Variants in CDH11 observed in about 807,000 individuals in gnomAD.
CDH11 encodes the protein cadherin 11.
Under a neutral mutation model 67.8 loss-of-function variants are expected in CDH11, and 11 were observed. The observed-to-expected ratio is 0.16, with a 90% CI of 0.10 to 0.27. The LOEUF (loss-of-function observed/expected upper bound fraction) is 0.27, where lower values mean the gene tolerates loss of function less well. CDH11 is among the 10% of genes least tolerant of loss of function. The pLI is 1.00. For synonymous variants in CDH11, 419 were observed against 400.0 expected (o/e 1.05, Z -0.57); for missense variants, 847 against 1,031.2 (o/e 0.82, Z 2.45).
At position 64,998,789 on chromosome 16, in the gene CDH11, G is replaced by A; in HGVS notation, c.296C>T (p.Thr99Ile). The change falls in exon 4 of 13, where the codon ACC becomes ATC. Residue 99 changes from threonine to isoleucine, a missense_variant. Coordinates refer to ENST00000268603, the MANE Select transcript of CDH11 (RefSeq NM_001797.4). ...TGATTTGTCATCAATCACAAAAATG[G>A]TTCCAGCTCCTTCCCCTGAGAGAAT... ...KYILSGEGAG[T>I]IFVIDDKSGN... The A allele has an allele frequency of 1.2e-6, 2 of 1,614,100 alleles. No individual in the cohort carries two copies. The highest frequency in any genetic ancestry group is 1.7e-6 in the Non-Finnish European group (2 of 1,179,990).
chr16:65,047,427 C>T (rs2073981734), intron 2 of CDH11, among the ~76,000 whole-genome samples: 2 of 151,868 alleles, frequency 1.3e-5, no homozygotes, highest in Admixed American at 6.6e-5. Flanking sequence ...TCTCAGCTCA[C>T]TGCAACCTCC....
chr16:64,981,471 AT>A (rs1179891630), intron 8 of CDH11: 1 of 151,986 alleles, frequency 6.6e-6, no homozygotes, highest in East Asian at 1.9e-4. Flanking sequence ...ATCACCTGAA[AT>A]TTATTTGGAC....
chr16:65,077,999 C>T (rs1319829427), intron 1 of CDH11, among the ~76,000 whole-genome samples: 1 of 152,214 alleles, frequency 6.6e-6, no homozygotes, highest in Admixed American at 6.5e-5. Context: ...TAGAGGGTAG[C>T]AATTAGGTTG....
rs1295216516 is a variant in CDH11, at chr16:64,992,863, T to G, written c.643+52A>C. The G allele has an allele frequency of 2.5e-6, 4 of 1,585,810 alleles. No individual in the cohort carries two copies. The East Asian group carries it at 9.0e-5, about 36-fold the overall frequency. On this transcript the variant is annotated intron_variant, in intron 5 of 12. Coordinates refer to ENST00000268603, the MANE Select transcript of CDH11 (RefSeq NM_001797.4). ...GTATTAAATAAGTTCTGGTCAGGCC[T>G]GGGACTTCTTATTCACCATGTGTCA...
At chr16:65,115,999 T>C (rs2075239480) in intron 1 of CDH11, among the ~76,000 whole-genome samples, 1 of 152,076 alleles carries the variant, frequency 6.6e-6, no homozygotes, top group African/African-American at 2.4e-5. Context: ...AAATTTTCAA[T>C]CAAGACAGAA....
intron 2 of CDH11, among the ~76,000 whole-genome samples, chr16:65,029,911 G>C (rs756812099): frequency 4.6e-5 from 7 of 152,110 alleles, no homozygotes; most frequent in Admixed American, 1.3e-4. Context: ...GAGTACCTTT[G>C]ATAAAATGAT....
intron 1 of CDH11, among the ~76,000 whole-genome samples, chr16:65,054,724 T>G (rs926058468): frequency 1.3e-5 from 2 of 152,198 alleles, no homozygotes; most frequent in African/African-American, 4.8e-5. Context: ...CCAGCTGGCA[T>G]AGCTTCCATA....
At chr16:65,078,527 T>G (rs2074555608) in intron 1 of CDH11, among the ~76,000 whole-genome samples, 1 of 152,188 alleles carries the variant, frequency 6.6e-6, no homozygotes, top group Admixed American at 6.5e-5. Flanking sequence ...AATACATCAT[T>G]GAATACAATC....
At chr16:65,026,240 A>G (rs1490527760) in intron 2 of CDH11, among the ~76,000 whole-genome samples, 1 of 152,180 alleles carries the variant, frequency 6.6e-6, no homozygotes, top group Non-Finnish European at 1.5e-5. Context: ...CATGCTTTGC[A>G]TACATTTTCA....
At chr16:65,088,173 G>A (rs2074733863) in intron 1 of CDH11, among the ~76,000 whole-genome samples, 2 of 152,166 alleles carry the variant, frequency 1.3e-5, no homozygotes, top group South Asian at 2.1e-4. Flanking sequence ...TGAAGACACA[G>A]AAGGTGCCGT....
At chr16:64,981,971 G>A (rs1323227948) in intron 8 of CDH11, 77 bp downstream of exon 8, 2 of 1,306,614 alleles carry the variant, frequency 1.5e-6, no homozygotes, top group Middle Eastern at 2.0e-4. Flanking sequence ...TGAAAAACGT[G>A]GTTCCTACAG....
At chr16:65,106,608 C>G (rs1307681804) in intron 1 of CDH11, among the ~76,000 whole-genome samples, 5 of 152,172 alleles carry the variant, frequency 3.3e-5, no homozygotes, top group African/African-American at 4.8e-5. Flanking sequence ...TGCTGCATAA[C>G]AGAGAATGGA....
At position 64,982,109 on chromosome 16, in the gene CDH11, C is replaced by G; in HGVS notation, c.1192G>C (p.Ala398Pro). Residue 398 changes from alanine (A) to proline (P), a missense_variant, in exon 8 of 13, where the codon GCT becomes CCT. Physicochemically the swap from Ala to Pro is conservative, Grantham distance 27. This residue lies in a region of CDH11 where 612 missense variants were observed against 678.7 expected (regional missense o/e 0.90). Coordinates refer to ENST00000268603, the MANE Select transcript of CDH11 (RefSeq NM_001797.4). ...YIHEVQENAA[A>P]GTVVGRVHAK... is the part of the protein sequence containing the mutation. Reference sequence around the variant, plus strand: ...TGCACTCTCCCAACCACGGTGCCAGCAGCTGCATTTTCTTGGACTTCGTGG... The same window carrying G: ...TGCACTCTCCCAACCACGGTGCCAGGAGCTGCATTTTCTTGGACTTCGTGG... 6.2e-7 allele frequency: 1 copy of G among 1,614,076 alleles called. No homozygotes were observed. Among genetic ancestry groups the G allele is most frequent in the Non-Finnish European group, 8.5e-7 (1 of 1,179,976 alleles).
At chr16:65,115,158 C>A (rs1271829898) in intron 1 of CDH11, among the ~76,000 whole-genome samples, 1 of 152,054 alleles carries the variant, frequency 6.6e-6, no homozygotes, top group East Asian at 1.9e-4. Flanking sequence ...GGGTAACTTA[C>A]CACAGCAACC....
rs1241896687 is a variant in CDH11, at chr16:64,998,809, G to A, written c.276C>T (p.Leu92=). 3 of 1,614,082 alleles carry A rather than the reference G, an allele frequency of 1.9e-6. No individual in the cohort carries two copies. The highest frequency in any genetic ancestry group is 2.5e-6 in the Non-Finnish European group (3 of 1,179,960). ...AAATGGTTCCAGCTCCTTCCCCTGA[G>A]AGAATGTATTTAATGTTCCCATCAC... ...DSGDGNIKYI[L]SGEGAGTIFV... Residue 92 remains leucine, a synonymous_variant, in exon 4 of 13, where the codon CTC becomes CTT. Transcript: ENST00000268603.
At chr16:65,071,900 C>T (rs1038556834) in intron 1 of CDH11, 2 of 152,220 alleles carry the variant, frequency 1.3e-5, no homozygotes, top group Admixed American at 1.3e-4. Flanking sequence ...CAGCCTCAAG[C>T]TTGTGTCCAC....
intron 2 of CDH11, among the ~76,000 whole-genome samples, chr16:65,035,096 G>C (rs2073725706): frequency 1.3e-5 from 2 of 152,224 alleles, no homozygotes; most frequent in East Asian, 1.9e-4. Flanking sequence ...ACGTTGCAAG[G>C]CTGCTGGGAA....
chr16:64,944,569 G>C lies in CDH11; in HGVS notation c.*3034C>G. On this transcript the variant is annotated 3_prime_UTR_variant, in exon 13 of 13. Coordinates refer to ENST00000268603, the MANE Select transcript of CDH11 (RefSeq NM_001797.4). ...TAAAGTTTCTCAAAAAGATGTGAAG[G>C]ATATGTCACAATGACCCAGGAGCAG... 8.6e-6 allele frequency: 2 copies of C among 232,562 alleles called. No homozygotes were observed. Among genetic ancestry groups the C allele is most frequent in the Non-Finnish European group, 1.7e-5 (2 of 117,702 alleles). 14.4% of individuals were successfully genotyped at this position (232,562 alleles called of 1,614,324 possible).
intron 11 of CDH11, among the ~76,000 whole-genome samples, chr16:64,958,508 C>A (rs1177441761): frequency 6.6e-6 from 1 of 152,112 alleles, no homozygotes; most frequent in Non-Finnish European, 1.5e-5. Flanking sequence ...TTATCCCAGA[C>A]AATTTTTCAA....
Sources: allele counts gnomAD v4.1 joint callset (sites outside exome capture counted in the v4.1 genomes callset), GRCh38; gene constraint gnomAD v4.1.1; regional missense constraint gnomAD v4.1.1; transcripts MANE v1.5; gene names NCBI Gene and HGNC (gene_info 2026-07-23, HGNC 2026-07-21).